The following ACSM3 variants were observed in gnomAD, a reference collection of about 807,000 sequenced individuals.
The protein encoded by ACSM3 is acyl-CoA synthetase medium chain family member 3.
In ACSM3, 61 loss-of-function variants were observed where a neutral mutation model predicts 74.1. The ratio of observed to expected loss-of-function variants is 0.82; its 90% CI spans 0.67 to 1.02. ACSM3 has a LOEUF of 1.02. Ranked by LOEUF, ACSM3 falls within the 50% of genes least tolerant of loss-of-function variation. The probability of loss-of-function intolerance (pLI) is 0.00; values close to 1 mark genes in which losing one functional copy is unlikely to be tolerated. For missense variants in ACSM3, 660 were observed against 697.0 expected, an observed-to-expected ratio of 0.95 and a Z score of 0.60; for synonymous variants, 213 against 241.5, an observed-to-expected ratio of 0.88 and a Z score of 1.09.
At chr16:20,718,741 A>G (rs776476048) in intron 1 of ACSM3, among the ~76,000 whole-genome samples, 7 of 152,148 alleles carry the variant, frequency 4.6e-5, no homozygotes, top group Non-Finnish European at 1.0e-4. Context: ...TCCTTTAATC[A>G]TTGCTAGGTA....
At chr16:20,786,188 T>A (rs2080471380) in intron 9 of ACSM3, 30 bp downstream of exon 9, 1 of 1,607,062 alleles carries the variant, frequency 6.2e-7, no homozygotes. Flanking sequence ...GGAGAATGTT[T>A]AACAACCCAA....
At chr16:20,683,113 CTTTTA>C (rs2079479434) in intron 1 of ACSM3, among the ~76,000 whole-genome samples, 1 of 150,804 alleles carries the variant, frequency 6.6e-6, no homozygotes, top group African/African-American at 2.4e-5. Context: ...TTCTTTTTTT[CTTTTA>C]TTTATTTATT....
chr16:20,683,959 A>T (rs2079500864), intron 1 of ACSM3, among the ~76,000 whole-genome samples: 1 of 152,022 alleles, frequency 6.6e-6, no homozygotes, highest in African/African-American at 2.4e-5. Context: ...TTACTTCTTG[A>T]TTTCACATGA....
At chr16:20,795,434 A>G (rs1008908084) in intron 12 of ACSM3, among the ~76,000 whole-genome samples, 1 of 152,194 alleles carries the variant, frequency 6.6e-6, no homozygotes, top group Non-Finnish European at 1.5e-5. Flanking sequence ...TTTGTTTCTC[A>G]CCAAATGGCT....
intron 1 of ACSM3, among the ~76,000 whole-genome samples, chr16:20,722,436 A>G (rs1320213492): frequency 1.3e-5 from 2 of 152,198 alleles, no homozygotes; most frequent in East Asian, 1.9e-4. Context: ...GAACTTCTCC[A>G]GAAGGAGGAG....
intron 1 of ACSM3, chr16:20,741,481 G>GGGGGGGGGGGGCCCCCCCCCCCCCCCCCC: frequency 7.6e-7 from 1 of 1,308,412 alleles, no homozygotes; most frequent in Non-Finnish European, 9.9e-7. Flanking sequence ...CTGGCAGCCG[G>GGGGGGGGGGGGCCCCCCCCCCCCCCCCCC]CCCGCCCGCC....
intron 2 of ACSM3, among the ~76,000 whole-genome samples, chr16:20,751,212 A>G (rs1555484154): frequency 1.3e-5 from 2 of 152,128 alleles, no homozygotes; most frequent in Non-Finnish European, 2.9e-5. Flanking sequence ...AGCCTTCTGT[A>G]TTTCTGCTAG....
chr16:20,732,653 G>A (rs1262392616), intron 1 of ACSM3, among the ~76,000 whole-genome samples: 1 of 152,052 alleles, frequency 6.6e-6, no homozygotes, highest in Non-Finnish European at 1.5e-5. Context: ...AAAGCAATGG[G>A]GTAAAGGGAT....
intron 1 of ACSM3, among the ~76,000 whole-genome samples, chr16:20,731,003 A>G (rs1444719401): frequency 6.6e-6 from 1 of 152,138 alleles, no homozygotes; most frequent in African/African-American, 2.4e-5. Context: ...AGGACTACAC[A>G]TGTGCATTAT....
At chr16:20,721,954 G>A (rs1002889591) in intron 1 of ACSM3, 16 of 152,116 alleles carry the variant, frequency 1.1e-4, no homozygotes, top group African/African-American at 1.4e-4. Context: ...TTGATGTTAC[G>A]GTCTGAGTTT....
At chr16:20,705,487 T>C (rs888054504) in intron 1 of ACSM3, among the ~76,000 whole-genome samples, 5 of 152,146 alleles carry the variant, frequency 3.3e-5, no homozygotes, top group African/African-American at 1.2e-4. Flanking sequence ...TTTCAATTTT[T>C]ATGGAAAAAT....
intron 1 of ACSM3, among the ~76,000 whole-genome samples, chr16:20,714,706 A>G (rs1220351236): frequency 6.6e-6 from 1 of 152,102 alleles, no homozygotes; most frequent in Non-Finnish European, 1.5e-5. Context: ...AGAGAGAGAG[A>G]GACAGTCGAT....
At chr16:20,709,686 C>G (rs919600673) in intron 1 of ACSM3, among the ~76,000 whole-genome samples, 1 of 152,174 alleles carries the variant, frequency 6.6e-6, no homozygotes, top group Admixed American at 6.5e-5. Flanking sequence ...TATCCTTATA[C>G]AGTTATTCAC....
chr16:20,780,424 A>G, intron 4 of ACSM3: 1 of 577,116 alleles, frequency 1.7e-6, no homozygotes, highest in East Asian at 3.0e-5. Flanking sequence ...TGGAGGTATG[A>G]TAAAAATCTC....
chr16:20,716,222 A>C (rs2079760985), intron 1 of ACSM3, among the ~76,000 whole-genome samples: 1 of 152,172 alleles, frequency 6.6e-6, no homozygotes, highest in African/African-American at 2.4e-5. Flanking sequence ...TTTGTTACTC[A>C]GTGATGGGTA....
intron 1 of ACSM3, among the ~76,000 whole-genome samples, chr16:20,724,829 G>A (rs1369456971): frequency 2.6e-5 from 4 of 152,230 alleles, no homozygotes; most frequent in African/African-American, 9.6e-5. Flanking sequence ...TACAAGGGAT[G>A]TGAAGGACCT....
At chr16:20,708,752 A>G (rs2079734743) in intron 1 of ACSM3, among the ~76,000 whole-genome samples, 1 of 152,248 alleles carries the variant, frequency 6.6e-6, no homozygotes, top group Admixed American at 6.5e-5. Context: ...TTTTAACAAA[A>G]ATAGAAAAAA....
At chr16:20,786,342 G>T in intron 9 of ACSM3, 184 bp downstream of exon 9, 1 of 1,243,412 alleles carries the variant, frequency 8.0e-7, no homozygotes, top group Non-Finnish European at 1.1e-6. Flanking sequence ...CCATTATTTT[G>T]CAAATACCCA....
At chr16:20,693,524 C>A (rs2079674008) in intron 1 of ACSM3, among the ~76,000 whole-genome samples, 2 of 152,196 alleles carry the variant, frequency 1.3e-5, no homozygotes, top group African/African-American at 4.8e-5. Context: ...TTCCCTCTTG[C>A]TCACTTTCAA....
Sources: allele counts gnomAD v4.1 joint callset (sites outside exome capture counted in the v4.1 genomes callset), GRCh38; gene constraint gnomAD v4.1.1; transcripts MANE v1.5; gene names NCBI Gene and HGNC (gene_info 2026-07-23, HGNC 2026-07-21).